The following C12orf42 variants were observed in gnomAD, a reference collection of about 807,000 sequenced individuals.
C12orf42 encodes uncharacterized protein C12orf42.
C12orf42 carries 25 observed loss-of-function variants against 21.6 expected under a neutral mutation model. The ratio of observed to expected loss-of-function variants is 1.16; its 90% CI spans 0.84 to 1.62. The LOEUF is 1.62. Among genes scored for constraint, C12orf42 ranks in the 40% most tolerant of loss-of-function variants. The pLI, the probability that C12orf42 is intolerant of heterozygous loss-of-function variation, is 0.00. For missense variants in C12orf42, 483 were observed against 459.3 expected, an observed-to-expected ratio of 1.05 and a Z score of -0.47; for synonymous variants, 174 against 175.0, an observed-to-expected ratio of 0.99 and a Z score of 0.05.
intron 4 of C12orf42, among the ~76,000 whole-genome samples, chr12:103,295,159 G>A (rs192574396): frequency 5.3e-5 from 8 of 152,218 alleles, no homozygotes; most frequent in Admixed American, 5.2e-4. Context: ...TTCTTCTTGA[G>A]GTTGAGTCTT....
At chr12:103,166,097 GAAGA>G in the C12orf42 span, among the ~76,000 whole-genome samples, 1 of 151,504 alleles carries the variant, frequency 6.6e-6, no homozygotes, top group African/African-American at 2.4e-5. Flanking sequence ...AGGAAGGAAG[GAAGA>G]AACCACAAGA....
the C12orf42 span, among the ~76,000 whole-genome samples, chr12:103,205,079 T>C: frequency 6.6e-6 from 1 of 152,098 alleles, no homozygotes; most frequent in Admixed American, 6.6e-5. Flanking sequence ...AGCTACCATA[T>C]GGCTACATTA....
the C12orf42 span, among the ~76,000 whole-genome samples, chr12:103,169,590 C>T: frequency 6.6e-6 from 1 of 152,224 alleles, no homozygotes; most frequent in South Asian, 2.1e-4. Context: ...AGTGTCAGTG[C>T]TCTTAAACAC....
chr12:103,302,924 G>T (rs2037879304), intron 5 of C12orf42, among the ~76,000 whole-genome samples: 1 of 152,156 alleles, frequency 6.6e-6, no homozygotes, highest in Non-Finnish European at 1.5e-5. Context: ...TAAATGAAGG[G>T]AAAGTTTGTG....
At chr12:103,166,828 TC>T in the C12orf42 span, among the ~76,000 whole-genome samples, 2 of 152,216 alleles carry the variant, frequency 1.3e-5, no homozygotes, top group African/African-American at 4.8e-5. Flanking sequence ...ATTTCATCCA[TC>T]TTTTTTTTTC....
intron 2 of C12orf42, among the ~76,000 whole-genome samples, chr12:103,472,730 G>A (rs1243605692): frequency 6.6e-6 from 1 of 152,178 alleles, no homozygotes; most frequent in Non-Finnish European, 1.5e-5. Flanking sequence ...AAAGGCCATA[G>A]CAATTATAGA....
chr12:103,178,241 A>G, the C12orf42 span: 5 of 152,332 alleles, frequency 3.3e-5, no homozygotes, highest in Admixed American at 3.3e-4. Flanking sequence ...AAAACAGTCC[A>G]TTAAAGGGCT....
intron 4 of C12orf42, among the ~76,000 whole-genome samples, chr12:103,321,639 G>T (rs1270011223): frequency 3.5e-5 from 5 of 141,374 alleles, no homozygotes; most frequent in Non-Finnish European, 7.7e-5. Context: ...TGATAGACTG[G>T]ATTAAGAAAA....
At chr12:103,364,882 A>AC (rs2044458714) in intron 4 of C12orf42, among the ~76,000 whole-genome samples, 1 of 152,072 alleles carries the variant, frequency 6.6e-6, no homozygotes, top group African/African-American at 2.4e-5. Context: ...AGGCAGATTC[A>AC]CAGTTGAATT....
At chr12:103,361,576 A>C (rs2044111181) in intron 4 of C12orf42, among the ~76,000 whole-genome samples, 1 of 151,888 alleles carries the variant, frequency 6.6e-6, no homozygotes, top group Admixed American at 6.6e-5. Flanking sequence ...GGGAGGTGCA[A>C]AAGCCCTAAG....
At chr12:103,107,279 G>A in the C12orf42 span, among the ~76,000 whole-genome samples, 1 of 151,954 alleles carries the variant, frequency 6.6e-6, no homozygotes, top group African/African-American at 2.4e-5. Flanking sequence ...AACTATATAT[G>A]TTACACATTG....
intron 2 of C12orf42, among the ~76,000 whole-genome samples, chr12:103,414,059 G>A (rs1178387920): frequency 6.6e-6 from 1 of 152,122 alleles, no homozygotes. Context: ...AGTTCTTTAA[G>A]GAATCTCCAT....
At chr12:103,365,678 A>C (rs977242097) in intron 4 of C12orf42, among the ~76,000 whole-genome samples, 1 of 152,096 alleles carries the variant, frequency 6.6e-6, no homozygotes, top group Non-Finnish European at 1.5e-5. Context: ...GCTAAACACC[A>C]ATAGTGACCA....
chr12:103,530,069 T>C, the C12orf42 span, among the ~76,000 whole-genome samples: 1 of 152,336 alleles, frequency 6.6e-6, no homozygotes, highest in Admixed American at 6.5e-5. Context: ...GCTTTGAAAG[T>C]ACAAAGAAGT....
At chr12:103,305,910 A>G in intron 5 of C12orf42, 64 bp downstream of exon 5, 2 of 1,523,696 alleles carry the variant, frequency 1.3e-6, no homozygotes. Flanking sequence ...GTTTATACTG[A>G]AGTTAAAAAC....
chr12:103,491,036 A>G (rs1955153515), intron 1 of C12orf42, among the ~76,000 whole-genome samples: 1 of 152,198 alleles, frequency 6.6e-6, no homozygotes, highest in South Asian at 2.1e-4. Flanking sequence ...CAGTCTGGCA[A>G]TCATATAAAT....
At chr12:103,223,328 G>A in the C12orf42 span, among the ~76,000 whole-genome samples, 6 of 152,158 alleles carry the variant, frequency 3.9e-5, no homozygotes, top group African/African-American at 1.4e-4. Flanking sequence ...GATATTGTGG[G>A]GATGTTAGAA....
At chr12:103,314,884 C>A (rs2039308286) in intron 4 of C12orf42, among the ~76,000 whole-genome samples, 1 of 152,122 alleles carries the variant, frequency 6.6e-6, no homozygotes, top group Non-Finnish European at 1.5e-5. Context: ...TAGAATCTTT[C>A]CCCTCCATCC....
the C12orf42 span, among the ~76,000 whole-genome samples, chr12:103,521,694 T>A: frequency 6.6e-6 from 1 of 152,154 alleles, no homozygotes. Context: ...AAATTTAATT[T>A]AATTTTTAAA....
Sources: gnomAD v4.1 joint callset for allele counts (sites outside exome capture counted in the v4.1 genomes callset) on GRCh38, gnomAD v4.1.1 for gene constraint, MANE v1.5 for transcripts, NCBI Gene and HGNC (gene_info 2026-07-23, HGNC 2026-07-21) for gene names.